LCT: variants seen among roughly 807,000 people sequenced by gnomAD.
LCT encodes the protein lactase/phlorizin hydrolase.
LCT carries 90 observed loss-of-function variants against 173.0 expected under a neutral mutation model. That is an observed-to-expected ratio of 0.52 (90% CI 0.44 to 0.62). The LOEUF (loss-of-function observed/expected upper bound fraction) is 0.62, where lower values mean the gene tolerates loss of function less well. Ranked by LOEUF, LCT falls within the 20% of genes least tolerant of loss-of-function variation. LCT has a pLI of 0.00. For synonymous variants in LCT, 853 were observed against 957.6 expected (o/e 0.89, Z 2.02); for missense variants, 1,864 against 2,431.4 (o/e 0.77, Z 4.91).
chr2:135,828,736 C>T (rs2077907734), intron 3 of LCT, among the ~76,000 whole-genome samples: 1 of 152,172 alleles, frequency 6.6e-6, no homozygotes, highest in Non-Finnish European at 1.5e-5. Flanking sequence ...TCCTAACACA[C>T]TTTCTCTAAT....
intron 7 of LCT, chr2:135,810,271 G>C (rs79023654): frequency 2.8e-6 from 1 of 352,292 alleles, no homozygotes; most frequent in Non-Finnish European, 5.1e-6. Flanking sequence ...TTATTACCTC[G>C]GACCAGCGAG....
chr2:135,830,908 T>A (rs10207652), intron 2 of LCT, among the ~76,000 whole-genome samples: 77,156 of 152,174 alleles, frequency 0.51, 23,954 homozygotes, highest in Non-Finnish European at 0.71. Flanking sequence ...GGTTTACACC[T>A]TTAATAGGGA....
chr2:135,824,670 T>C (rs1470277536), intron 3 of LCT, among the ~76,000 whole-genome samples: 4 of 152,212 alleles, frequency 2.6e-5, no homozygotes, highest in Non-Finnish European at 5.9e-5. Context: ...TTCATCATTC[T>C]TTTTACTTTT....
intron 4 of LCT, chr2:135,822,347 G>T (rs529593294): frequency 4.2e-6 from 2 of 474,244 alleles, no homozygotes; most frequent in Non-Finnish European, 7.7e-6. Flanking sequence ...TAAAACACAG[G>T]TTGCTGGTCC....
At chr2:135,835,951 A>C (rs1191189273) in intron 1 of LCT, among the ~76,000 whole-genome samples, 2 of 144,532 alleles carry the variant, frequency 1.4e-5, no homozygotes, top group Non-Finnish European at 3.0e-5. Context: ...AGACTGGGCA[A>C]GGGGTATTTC....
At chr2:135,818,863 T>A (rs1024187949) in intron 5 of LCT, among the ~76,000 whole-genome samples, 12 of 152,136 alleles carry the variant, frequency 7.9e-5, no homozygotes, top group African/African-American at 2.9e-4. Context: ...ATGGAAAACT[T>A]CCTGATTTCA....
Position 135,812,485 on chromosome 2 carries a change from C to A in LCT, c.2179G>T (p.Val727Leu). ...AGCCTCCTTATCCCCCAGGGCACCA[C>A]ACGAATCCAAGAGGATGAGGTCTGG... ...WPQTSSSWIR[V>L]VPWGIRRLLQ... is the part of the protein sequence containing the mutation. The change falls in exon 7 of 17, where the codon GTG becomes TTG. Residue 727 changes from valine to leucine, a missense_variant. Transcript: ENST00000264162. 1 of 1,614,248 alleles carries A rather than the reference C, an allele frequency of 6.2e-7. No homozygotes were observed. Among genetic ancestry groups the A allele is most frequent in the Non-Finnish European group, 8.5e-7 (1 of 1,180,050 alleles).
chr2:135,828,171 C>T (rs761509863), intron 3 of LCT, among the ~76,000 whole-genome samples: 9 of 152,252 alleles, frequency 5.9e-5, no homozygotes, highest in African/African-American at 1.2e-4. Context: ...ACTACAGGTG[C>T]GTGCCACCAC....
intron 2 of LCT, among the ~76,000 whole-genome samples, chr2:135,831,532 G>T: frequency 6.6e-6 from 1 of 152,230 alleles, no homozygotes; most frequent in East Asian, 1.9e-4. Flanking sequence ...GACTGGGGCA[G>T]ATAGACCAGT....
At chr2:135,803,217 T>C (rs2077642102) in intron 11 of LCT, among the ~76,000 whole-genome samples, 2 of 152,198 alleles carry the variant, frequency 1.3e-5, no homozygotes, top group Admixed American at 1.3e-4. Context: ...AAAGAAATGA[T>C]GAATGTTTGA....
chr2:135,808,063 T>C (rs2077692585), intron 8 of LCT, among the ~76,000 whole-genome samples: 1 of 152,000 alleles, frequency 6.6e-6, no homozygotes. Flanking sequence ...GAAGTTTGAA[T>C]TAACACAACT....
At chr2:135,835,038 C>T (rs903432238) in intron 1 of LCT, among the ~76,000 whole-genome samples, 1 of 151,928 alleles carries the variant, frequency 6.6e-6, no homozygotes, top group African/African-American at 2.4e-5. Context: ...GATCTTTTCA[C>T]CTAGTAGTTT....
Position 135,789,796 on chromosome 2 carries a change from C to T in LCT, c.5338G>A (p.Val1780Met). Residue 1780 changes from valine (V) to methionine (M), a missense_variant and splice_region_variant, in exon 16 of 17, where the codon GTG becomes ATG. Val to Met is a conservative substitution (Grantham distance 21). Transcript: ENST00000264162. ...RTYINEALKA[V>M]QDKVDLRGYT... ...CCTCGAAGGTCCACCTTGTCCTGCACAGCTGCTCAAACACAGAGGACTAGG... is the reference window on the plus strand; with the variant it reads ...CCTCGAAGGTCCACCTTGTCCTGCATAGCTGCTCAAACACAGAGGACTAGG... The T allele has an allele frequency of 4.3e-6, 7 of 1,613,370 alleles. No homozygotes were observed. Among genetic ancestry groups the T allele is most frequent in the Non-Finnish European group, 5.9e-6 (7 of 1,179,242 alleles).
chr2:135,836,734 C>A lies in LCT; in HGVS notation c.436G>T (p.Ala146Ser). 6.2e-7 allele frequency: 1 copy of A among 1,614,144 alleles called. No individual in the cohort carries two copies. Among genetic ancestry groups the A allele is most frequent in the Non-Finnish European group, 8.5e-7 (1 of 1,180,028 alleles). The change falls in exon 1 of 17, where the codon GCC (alanine) becomes TCC (serine). Residue 146 changes from alanine to serine, a missense_variant. By Grantham distance (99) the Ala-to-Ser change is moderately conservative (BLOSUM62 1). This residue lies in a region of LCT where 412 missense variants were observed against 462.0 expected (regional missense o/e 0.89). Coordinates refer to ENST00000264162, the MANE Select transcript of LCT (RefSeq NM_002299.4). ...LPASTLRRTE[A>S]FADLFADYAT... ...TAGTCGGCGAAGAGGTCAGCAAAGG[C>A]TTCGGTTCTCCGGAGGGTGCTGGCA...
intron 7 of LCT, among the ~76,000 whole-genome samples, chr2:135,811,021 C>T (rs1410399572): frequency 6.7e-6 from 1 of 149,006 alleles, no homozygotes; most frequent in African/African-American, 2.5e-5. Context: ...AGCCAGACTC[C>T]GTCTCAAAAA....
intron 7 of LCT, 41 bp downstream of exon 7, chr2:135,812,269 TA>T (rs1558739363): frequency 6.5e-7 from 1 of 1,542,138 alleles, no homozygotes; most frequent in Admixed American, 1.7e-5. Flanking sequence ...CTTGGAGAAG[TA>T]CCACCCACCT....
chr2:135,817,536 C>G lies in LCT; in HGVS notation c.1512G>C (p.Leu504=). The change falls in exon 6 of 17, where the codon CTG becomes CTC. Residue 504 remains leucine, a synonymous_variant. Coordinates refer to ENST00000264162, the MANE Select transcript of LCT (RefSeq NM_002299.4). ...CATTCTGCCATCCACCATGATCCTGCAGGGCCTGAGGCAGGTCCCAGTGGA... is the reference window on the plus strand; with the variant it reads ...CATTCTGCCATCCACCATGATCCTGGAGGGCCTGAGGCAGGTCCCAGTGGA... The part of the protein sequence containing the change: ...TLFHWDLPQA[L]QDHGGWQNES... 6.2e-7 allele frequency: 1 copy of G among 1,614,150 alleles called. No homozygotes were observed. Among genetic ancestry groups the G allele is most frequent in the Non-Finnish European group, 8.5e-7 (1 of 1,180,032 alleles).
At chr2:135,823,198 TGACA>T (rs1250952999) in intron 4 of LCT, 4 of 157,004 alleles carry the variant, frequency 2.5e-5, no homozygotes, top group Non-Finnish European at 4.2e-5. Flanking sequence ...TGGACAAGAG[TGACA>T]GACAGACAAG....
chr2:135,823,803 C>T, intron 4 of LCT, 98 bp downstream of exon 4: 1 of 813,120 alleles, frequency 1.2e-6, no homozygotes, highest in Admixed American at 1.9e-5. Flanking sequence ...TCCTCCCATG[C>T]TCCTCCTCCC....
Sources: gnomAD v4.1 joint callset for allele counts (sites outside exome capture counted in the v4.1 genomes callset) on GRCh38, gnomAD v4.1.1 for gene constraint, gnomAD v4.1.1 regional missense constraint, MANE v1.5 for transcripts, NCBI Gene and HGNC (gene_info 2026-07-23, HGNC 2026-07-21) for gene names.